Variants in CDH13 observed in about 807,000 individuals in gnomAD.
CDH13 encodes cadherin 13.
A neutral mutation model predicts 63.8 loss-of-function variants in CDH13; 24 were observed. The observed-to-expected ratio is 0.38, with a 90% CI of 0.27 to 0.53. CDH13 has a LOEUF of 0.53. Ranked by LOEUF, CDH13 falls within the 20% of genes least tolerant of loss-of-function variation. The pLI is 0.85. For synonymous variants in CDH13, 503 were observed against 355.3 expected (o/e 1.42, Z -4.67); for missense variants, 1,049 against 903.1 (o/e 1.16, Z -2.07).
chr16:82,698,768 C>T (rs958867395), intron 1 of CDH13, among the ~76,000 whole-genome samples: 2 of 152,150 alleles, frequency 1.3e-5, no homozygotes, highest in Admixed American at 6.5e-5. Context: ...CAATCTATTA[C>T]AGGAAGCCAA....
intron 5 of CDH13, among the ~76,000 whole-genome samples, chr16:83,330,709 A>G (rs1377134740): frequency 6.6e-6 from 1 of 152,166 alleles, no homozygotes; most frequent in Admixed American, 6.5e-5. Context: ...CTCAGATTGC[A>G]CTGGTCCTGG....
intron 3 of CDH13, among the ~76,000 whole-genome samples, chr16:83,113,280 G>A (rs952995456): frequency 2.0e-5 from 3 of 152,200 alleles, no homozygotes; most frequent in Admixed American, 6.5e-5. Flanking sequence ...CTCTATTAAA[G>A]ACAAAATCAA....
At chr16:82,641,920 G>C (rs903686983) in intron 1 of CDH13, among the ~76,000 whole-genome samples, 4 of 152,102 alleles carry the variant, frequency 2.6e-5, no homozygotes, top group African/African-American at 7.2e-5. Flanking sequence ...GAGAAAGCAG[G>C]CGAGGGGGTA....
chr16:83,545,146 A>G lies in CDH13; in HGVS notation c.961-57308A>G, dbSNP rs77162570. 2.3e-3 allele frequency among the ~76,000 whole-genome samples: 352 copies of G among 152,328 alleles called. 1 individual carries two copies. Among genetic ancestry groups the G allele is most frequent in the Non-Finnish European group, 3.8e-3 (258 of 68,030 alleles). On this transcript the variant is annotated intron_variant, in intron 7 of 13. Transcript: ENST00000567109. The stretch of plus-strand genomic sequence containing the variant: ...CCAACCAGGATTTAATTAGTCCTTC[A>G]GCTCCTTAGCCCTTCTTAGAAGTTG...
At chr16:83,493,686 C>T (rs1406610413) in intron 7 of CDH13, among the ~76,000 whole-genome samples, 1 of 152,180 alleles carries the variant, frequency 6.6e-6, no homozygotes, top group Non-Finnish European at 1.5e-5. Flanking sequence ...AACAAGATTG[C>T]AAAAGGCTTC....
At chr16:83,244,044 C>T (rs977733049) in intron 5 of CDH13, among the ~76,000 whole-genome samples, 2 of 152,108 alleles carry the variant, frequency 1.3e-5, no homozygotes, top group Admixed American at 1.3e-4. Context: ...TCCATCCTCA[C>T]TTCTGCCACC....
intron 1 of CDH13, among the ~76,000 whole-genome samples, chr16:82,842,133 T>TAC (rs2039048374): frequency 2.0e-5 from 1 of 48,786 alleles, no homozygotes; most frequent in African/African-American, 7.1e-5. Flanking sequence ...TATATATATA[T>TAC]ATATACACAT....
intron 2 of CDH13, chr16:82,954,166 C>A (rs34897530): frequency 2.0e-5 from 3 of 151,918 alleles, no homozygotes; most frequent in Non-Finnish European, 2.9e-5. Flanking sequence ...CCCCTTGGCA[C>A]GTCTGGGGAC....
chr16:82,754,836 G>C (rs141004196), intron 1 of CDH13, among the ~76,000 whole-genome samples: 12 of 152,268 alleles, frequency 7.9e-5, no homozygotes, highest in African/African-American at 2.9e-4. Flanking sequence ...ACCTTAACTA[G>C]TGTTTGTCAC....
chr16:83,550,224 C>T (rs2075465548), intron 7 of CDH13, among the ~76,000 whole-genome samples: 1 of 152,212 alleles, frequency 6.6e-6, no homozygotes, highest in East Asian at 1.9e-4. Context: ...ACAAACAAAA[C>T]ACCTGTGGAA....
intron 2 of CDH13, among the ~76,000 whole-genome samples, chr16:83,006,812 T>C (rs535159021): frequency 1.3e-5 from 2 of 152,340 alleles, no homozygotes; most frequent in Admixed American, 1.3e-4. Context: ...AATAACGCCA[T>C]TTGTTGAAAT....
chr16:82,837,096 A>G (rs2038799590), intron 1 of CDH13, among the ~76,000 whole-genome samples: 1 of 152,214 alleles, frequency 6.6e-6, no homozygotes, highest in South Asian at 2.1e-4. Flanking sequence ...CAAATATGCA[A>G]AAGCGTCCCT....
In CDH13 at chr16:83,142,409, G is replaced by A. The variant is rs1054517286; in HGVS notation, c.483+16908G>A. On this transcript the variant is annotated intron_variant, in intron 4 of 13. Transcript: ENST00000567109. ...ATTTCTGTCCTCAGGACCCACCTGG[G>A]CCTCCCAAAGTGCTTAGATGACAGG... 2.0e-5 allele frequency among the ~76,000 whole-genome samples: 3 copies of A among 152,110 alleles called. No individual in the cohort carries two copies. In the East Asian group the frequency reaches 5.8e-4, roughly 30 times the overall value.
At chr16:83,684,102 C>A (rs1340276159) in intron 10 of CDH13, among the ~76,000 whole-genome samples, 2 of 152,206 alleles carry the variant, frequency 1.3e-5, no homozygotes, top group Non-Finnish European at 2.9e-5. Context: ...CACAGTGGCT[C>A]ACACCTGTAA....
At chr16:83,597,788 T>C (rs1219442783) in intron 7 of CDH13, among the ~76,000 whole-genome samples, 3 of 152,208 alleles carry the variant, frequency 2.0e-5, no homozygotes, top group African/African-American at 7.2e-5. Context: ...CTTCAGGAGA[T>C]AGAAATTGGT....
intron 7 of CDH13, among the ~76,000 whole-genome samples, chr16:83,546,312 C>T (rs550415568): frequency 2.6e-5 from 4 of 152,048 alleles, no homozygotes; most frequent in East Asian, 1.9e-4. Flanking sequence ...GTACTTTGTC[C>T]GGAATTCATG....
intron 5 of CDH13, among the ~76,000 whole-genome samples, chr16:83,262,467 T>C (rs1907107581): frequency 6.6e-6 from 1 of 152,256 alleles, no homozygotes. Flanking sequence ...TCAAATATTA[T>C]ATGGTGCAGG....
chr16:83,020,053 G>T (rs544894006), intron 2 of CDH13, among the ~76,000 whole-genome samples: 1 of 152,048 alleles, frequency 6.6e-6, no homozygotes, highest in African/African-American at 2.4e-5. Context: ...ACCTCACTAG[G>T]CAATAGGACT....
chr16:83,760,910 C>T (rs1251970292), intron 11 of CDH13, among the ~76,000 whole-genome samples: 2 of 152,178 alleles, frequency 1.3e-5, no homozygotes, highest in Non-Finnish European at 2.9e-5. Flanking sequence ...TCCCTGTTTG[C>T]TGATGGGCCA....
Sources: allele counts gnomAD v4.1 joint callset (sites outside exome capture counted in the v4.1 genomes callset), GRCh38; gene constraint gnomAD v4.1.1; transcripts MANE v1.5; gene names NCBI Gene and HGNC (gene_info 2026-07-23, HGNC 2026-07-21).